The following BMAL1 variants were observed in gnomAD, a reference collection of about 807,000 sequenced individuals.
The protein encoded by BMAL1 is basic helix-loop-helix ARNT-like protein 1.
At chr11:13,369,633 A>G in the BMAL1 span, 2 of 1,613,904 alleles carry the variant, frequency 1.2e-6, no homozygotes, top group Admixed American at 3.3e-5. Flanking sequence ...CTTCCAGTTA[A>G]AACAGATATA....
At chr11:13,323,577 A>C in the BMAL1 span, among the ~76,000 whole-genome samples, 10 of 152,140 alleles carry the variant, frequency 6.6e-5, no homozygotes, top group Non-Finnish European at 7.3e-5. Context: ...TCTTCACATC[A>C]TCTGTTTGCA....
the BMAL1 span, chr11:13,355,254 G>A: frequency 6.2e-7 from 1 of 1,613,800 alleles, no homozygotes; most frequent in Non-Finnish European, 8.5e-7. Context: ...GGAGCACAAT[G>A]GCTGGAGGTC....
the BMAL1 span, chr11:13,358,300 T>C: frequency 9.2e-7 from 1 of 1,088,302 alleles, no homozygotes. Flanking sequence ...AAGTCTAATT[T>C]TAAACATTCT....
At chr11:13,325,258 C>G in the BMAL1 span, among the ~76,000 whole-genome samples, 56 of 152,284 alleles carry the variant, frequency 3.7e-4, no homozygotes, top group African/African-American at 1.3e-3. Flanking sequence ...GCAGCCTCCC[C>G]TGTTCCATTT....
chr11:13,378,650 C>T, the BMAL1 span: 3 of 581,018 alleles, frequency 5.2e-6, no homozygotes, highest in African/African-American at 1.9e-5. Flanking sequence ...TTCCCTCCTC[C>T]CCACCCAACA....
chr11:13,329,519 G>C, the BMAL1 span, among the ~76,000 whole-genome samples: 1 of 152,260 alleles, frequency 6.6e-6, no homozygotes, highest in African/African-American at 2.4e-5. Context: ...TGGGAGGTGG[G>C]GGGTGATTAG....
chr11:13,278,967 C>T, the BMAL1 span, among the ~76,000 whole-genome samples: 119 of 152,308 alleles, frequency 7.8e-4, no homozygotes, highest in African/African-American at 2.7e-3. Context: ...GCGGGGTGAG[C>T]TCAGGTGCCC....
At chr11:13,311,538 G>C in the BMAL1 span, among the ~76,000 whole-genome samples, 1 of 152,196 alleles carries the variant, frequency 6.6e-6, no homozygotes, top group Non-Finnish European at 1.5e-5. Flanking sequence ...ATAAATGAAG[G>C]ATAAAGAATT....
chr11:13,311,894 G>A, the BMAL1 span, among the ~76,000 whole-genome samples: 495 of 152,316 alleles, frequency 3.2e-3, 4 homozygotes, highest in African/African-American at 0.011. Context: ...GGAGGAGAAA[G>A]TAGAGTGGAC....
chr11:13,302,431 T>A, the BMAL1 span, among the ~76,000 whole-genome samples: 11,237 of 152,196 alleles, frequency 0.074, 1,377 homozygotes, highest in African/African-American at 0.26. Flanking sequence ...AGGTGAGAGC[T>A]GGCACTGCTA....
the BMAL1 span, chr11:13,356,871 C>A: frequency 2.5e-6 from 4 of 1,604,118 alleles, no homozygotes; most frequent in Non-Finnish European, 3.4e-6. Flanking sequence ...CACCCATGTC[C>A]TCAACTGGAG....
the BMAL1 span, among the ~76,000 whole-genome samples, chr11:13,315,637 C>A: frequency 6.6e-6 from 1 of 152,190 alleles, no homozygotes; most frequent in Non-Finnish European, 1.5e-5. Flanking sequence ...TGCTCCAAGT[C>A]CTTGCAGTCT....
chr11:13,345,822 C>G, the BMAL1 span, among the ~76,000 whole-genome samples: 1 of 152,182 alleles, frequency 6.6e-6, no homozygotes. Context: ...TGTTCCTGCT[C>G]TTGGATCAGG....
At chr11:13,361,103 C>CA in the BMAL1 span, among the ~76,000 whole-genome samples, 1 of 152,026 alleles carries the variant, frequency 6.6e-6, no homozygotes, top group Non-Finnish European at 1.5e-5. Flanking sequence ...GACTCTGTCT[C>CA]AAAAAACAAA....
At chr11:13,283,534 G>C in the BMAL1 span, among the ~76,000 whole-genome samples, 1 of 152,140 alleles carries the variant, frequency 6.6e-6, no homozygotes, top group Non-Finnish European at 1.5e-5. Context: ...GCTTGGGGCA[G>C]AATTTGTGCT....
chr11:13,325,613 G>A, the BMAL1 span, among the ~76,000 whole-genome samples: 1 of 150,730 alleles, frequency 6.6e-6, no homozygotes, highest in Admixed American at 6.6e-5. Flanking sequence ...CACATTCCTG[G>A]CCCAGGCGTA....
the BMAL1 span, among the ~76,000 whole-genome samples, chr11:13,325,770 G>T: frequency 6.6e-6 from 1 of 151,514 alleles, no homozygotes; most frequent in African/African-American, 2.4e-5. Context: ...CTCTGAGTAA[G>T]CACATTATTT....
chr11:13,306,221 G>A, the BMAL1 span, among the ~76,000 whole-genome samples: 5 of 152,156 alleles, frequency 3.3e-5, no homozygotes, highest in East Asian at 3.9e-4. Flanking sequence ...CAGGAGGGCC[G>A]TGGAGGCTCA....
chr11:13,310,844 T>G, the BMAL1 span, among the ~76,000 whole-genome samples: 1 of 152,170 alleles, frequency 6.6e-6, no homozygotes, highest in Non-Finnish European at 1.5e-5. Context: ...GTGGCAGAAG[T>G]GATGTTTACA....
Sources: allele counts gnomAD v4.1 joint callset (sites outside exome capture counted in the v4.1 genomes callset), GRCh38; gene constraint gnomAD v4.1.1; transcripts MANE v1.5; gene names NCBI Gene and HGNC (gene_info 2026-07-23, HGNC 2026-07-21).